Variants in MYT1L observed in about 807,000 individuals in gnomAD.
MYT1L encodes myelin transcription factor 1 like.
MYT1L carries 12 observed loss-of-function variants against 126.7 expected under a neutral mutation model. That is an observed-to-expected ratio of 0.09 (90% CI 0.06 to 0.15). MYT1L has a LOEUF of 0.15. MYT1L is among the 10% of genes least tolerant of loss of function. MYT1L has a pLI of 1.00. For synonymous variants in MYT1L, 541 were observed against 604.2 expected (o/e 0.90, Z 1.53); for missense variants, 979 against 1,585.2 (o/e 0.62, Z 6.49).
intron 3 of MYT1L, among the ~76,000 whole-genome samples, chr2:2,093,784 G>A (rs1300864534): frequency 2.0e-5 from 3 of 152,136 alleles, no homozygotes; most frequent in African/African-American, 7.2e-5. Context: ...GTCCTGAATG[G>A]TATTGCCTAG....
intron 2 of MYT1L, among the ~76,000 whole-genome samples, chr2:2,217,289 G>A (rs72769230): frequency 0.13 from 19,919 of 152,104 alleles, 1,420 homozygotes; most frequent in Non-Finnish European, 0.17. Flanking sequence ...ATCCAACAGC[G>A]TATAAGAAGT....
chr2:2,163,345 C>A (rs188719443), intron 3 of MYT1L, among the ~76,000 whole-genome samples: 6 of 152,140 alleles, frequency 3.9e-5, no homozygotes, highest in African/African-American at 1.4e-4. Context: ...AAGAGCAAAT[C>A]ATCAGTTGCA....
chr2:1,814,005 C>G (rs571159571), intron 21 of MYT1L, among the ~76,000 whole-genome samples: 5 of 137,474 alleles, frequency 3.6e-5, no homozygotes, highest in Non-Finnish European at 6.2e-5. Flanking sequence ...CCAGCCTGGG[C>G]GACAGAGCGA....
intron 18 of MYT1L, among the ~76,000 whole-genome samples, chr2:1,860,057 G>A (rs965219118): frequency 1.3e-5 from 2 of 152,240 alleles, no homozygotes; most frequent in African/African-American, 4.8e-5. Flanking sequence ...ATCCCTCTGT[G>A]TTGATCATGC....
intron 18 of MYT1L, among the ~76,000 whole-genome samples, chr2:1,870,993 C>T (rs890864238): frequency 6.6e-5 from 10 of 152,140 alleles, no homozygotes; most frequent in South Asian, 2.1e-4. Context: ...TGTGCTGGTG[C>T]ACGGGATCCA....
intron 2 of MYT1L, among the ~76,000 whole-genome samples, chr2:2,190,388 G>A (rs1316253330): frequency 2.0e-5 from 3 of 151,692 alleles, no homozygotes; most frequent in Admixed American, 6.6e-5. Context: ...CTGGGAGGTC[G>A]AGGTTGCAGG....
intron 19 of MYT1L, among the ~76,000 whole-genome samples, chr2:1,844,897 C>T (rs2042285965): frequency 6.6e-6 from 1 of 152,068 alleles, no homozygotes; most frequent in Non-Finnish European, 1.5e-5. Flanking sequence ...CCCTCCTTTC[C>T]TGGGCATTGG....
chr2:1,924,487 C>G (rs1312561183), intron 9 of MYT1L, among the ~76,000 whole-genome samples: 1 of 152,134 alleles, frequency 6.6e-6, no homozygotes, highest in African/African-American at 2.4e-5. Flanking sequence ...TTGACCTCTA[C>G]AAAATACCAG....
intron 3 of MYT1L, among the ~76,000 whole-genome samples, chr2:2,142,400 G>T (rs891508610): frequency 2.6e-5 from 4 of 152,086 alleles, no homozygotes; most frequent in African/African-American, 9.7e-5. Context: ...CAACTTTACA[G>T]ATATTTTAAT....
At chr2:1,867,038 G>C (rs1297560868) in intron 18 of MYT1L, among the ~76,000 whole-genome samples, 2 of 141,230 alleles carry the variant, frequency 1.4e-5, no homozygotes, top group Non-Finnish European at 3.1e-5. Context: ...AGGGAGAGGG[G>C]CAGCCAGGGA....
chr2:2,148,844 A>G (rs576801743), intron 3 of MYT1L, among the ~76,000 whole-genome samples: 68 of 152,296 alleles, frequency 4.5e-4, no homozygotes, highest in Non-Finnish European at 8.7e-4. Flanking sequence ...CACCCGGATT[A>G]TTTTATTATG....
intron 2 of MYT1L, among the ~76,000 whole-genome samples, chr2:2,277,303 C>G (rs906982525): frequency 6.6e-6 from 1 of 152,232 alleles, no homozygotes; most frequent in African/African-American, 2.4e-5. Flanking sequence ...AATGCTCCAT[C>G]TTTACTCATC....
chr2:2,212,130 C>T (rs17338484), intron 2 of MYT1L, among the ~76,000 whole-genome samples: 6,539 of 152,140 alleles, frequency 0.043, 216 homozygotes, highest in South Asian at 0.13. Context: ...CGTATATAAG[C>T]TTTATACTTG....
chr2:2,328,134 T>A (rs895095084), intron 1 of MYT1L, among the ~76,000 whole-genome samples: 6 of 152,186 alleles, frequency 3.9e-5, no homozygotes, highest in Non-Finnish European at 4.4e-5. Context: ...TTAACTCAAT[T>A]TTTTAATTTT....
chr2:2,297,012 G>A (rs2095705026), intron 1 of MYT1L, among the ~76,000 whole-genome samples: 2 of 152,110 alleles, frequency 1.3e-5, no homozygotes, highest in Admixed American at 6.5e-5. Context: ...GGACCTTTCG[G>A]GGCCAATTGG....
intron 3 of MYT1L, among the ~76,000 whole-genome samples, chr2:2,161,038 G>A (rs564846231): frequency 9.9e-5 from 15 of 152,192 alleles, no homozygotes; most frequent in African/African-American, 3.4e-4. Context: ...CCAACGTGGT[G>A]AAACCCCATC....
Position 1,815,650 on chromosome 2 carries a change from C to G in MYT1L, c.3081-6483G>C, listed in dbSNP as rs190973608. On this transcript the variant is annotated intron_variant, in intron 21 of 24. Transcript: ENST00000647738. ...AGGGAAGAGTGTGGGGGAGCACCCC[C>G]CTGGGTACACCTCCATGGAATCCTA... Among the ~76,000 whole-genome samples the G allele has an allele frequency of 9.2e-5, 14 of 152,310 alleles. No individual in the cohort carries two copies. In the East Asian group the frequency reaches 2.7e-3, roughly 29 times the overall value.
intron 5 of MYT1L, among the ~76,000 whole-genome samples, chr2:1,987,564 A>T (rs2061141258): frequency 6.6e-6 from 1 of 152,094 alleles, no homozygotes; most frequent in African/African-American, 2.4e-5. Flanking sequence ...CCTCCTGCCC[A>T]CCTGCTTCAG....
At chr2:2,239,241 A>G (rs1293113587) in intron 2 of MYT1L, among the ~76,000 whole-genome samples, 1 of 152,232 alleles carries the variant, frequency 6.6e-6, no homozygotes, top group Non-Finnish European at 1.5e-5. Context: ...AACATGTCAA[A>G]TGTATGCATA....
Sources: allele counts gnomAD v4.1 joint callset (sites outside exome capture counted in the v4.1 genomes callset), GRCh38; gene constraint gnomAD v4.1.1; transcripts MANE v1.5; gene names NCBI Gene and HGNC (gene_info 2026-07-23, HGNC 2026-07-21).